The following YEATS2 variants were observed in gnomAD, a reference collection of about 807,000 sequenced individuals.
YEATS2 encodes the protein YEATS domain containing 2.
A neutral mutation model predicts 163.2 loss-of-function variants in YEATS2; 77 were observed. That is an observed-to-expected ratio of 0.47 (90% CI 0.39 to 0.57). The LOEUF is 0.57. Ranked by LOEUF, YEATS2 falls within the 20% of genes least tolerant of loss-of-function variation. The probability of loss-of-function intolerance (pLI) is 0.00; values close to 1 mark genes in which losing one functional copy is unlikely to be tolerated. For missense variants in YEATS2, 1,549 were observed against 1,729.8 expected (o/e 0.90, Z 1.85); for synonymous variants, 631 against 645.1 (o/e 0.98, Z 0.33).
At chr3:183,749,186 G>A (rs573057763) in intron 9 of YEATS2, among the ~76,000 whole-genome samples, 4 of 151,880 alleles carry the variant, frequency 2.6e-5, no homozygotes, top group Admixed American at 2.0e-4. Context: ...CTTGTGATCC[G>A]CCCATCTCGG....
At chr3:183,751,928 C>T (rs1720206251) in intron 9 of YEATS2, 145 bp from the exon 10 acceptor site, 5 of 839,654 alleles carry the variant, frequency 6.0e-6, no homozygotes, top group Non-Finnish European at 9.4e-6. Context: ...AGAATAAATC[C>T]TTTAGTTCTT....
intron 2 of YEATS2, among the ~76,000 whole-genome samples, chr3:183,717,266 A>G (rs112275748): frequency 6.6e-6 from 1 of 152,136 alleles, no homozygotes; most frequent in East Asian, 1.9e-4. Flanking sequence ...TTTAGCTGTC[A>G]TATCTCTTTA....
intron 8 of YEATS2, among the ~76,000 whole-genome samples, chr3:183,737,354 G>T (rs1460707032): frequency 4.6e-5 from 7 of 152,092 alleles, no homozygotes; most frequent in Middle Eastern, 3.2e-3. Flanking sequence ...TAAGAATAGT[G>T]GGGGGAAGAG....
Position 183,743,475 on chromosome 3 carries a change from G to T in YEATS2, c.925-4197G>T, listed in dbSNP as rs115560570. ...CTTATCTCAGCGTCCCAGGTAGCTG[G>T]ACCACAAGCGCATGCCACTACACTC... is the stretch of plus-strand genomic sequence containing the variant. On this transcript the variant is annotated intron_variant, in intron 8 of 30. Coordinates refer to ENST00000305135, the MANE Select transcript of YEATS2 (RefSeq NM_018023.5). 1.8e-3 allele frequency among the ~76,000 whole-genome samples: 279 copies of T among 152,088 alleles called. 1 individual carries two copies. Among genetic ancestry groups the T allele is most frequent in the Non-Finnish European group, 3.1e-3 (214 of 68,004 alleles).
rs1726740495 is a variant in YEATS2 at position 183,810,896 on chromosome 3, T to C, written c.*313T>C. The C allele has an allele frequency of 3.2e-6, 1 of 311,320 alleles. No individual in the cohort carries two copies. The highest frequency in any genetic ancestry group is 6.2e-6 in the Non-Finnish European group (1 of 162,550). 19.3% of individuals were successfully genotyped at this position (311,320 alleles called of 1,614,324 possible). On this transcript the variant is annotated 3_prime_UTR_variant, in exon 31 of 31. Coordinates refer to ENST00000305135, the MANE Select transcript of YEATS2 (RefSeq NM_018023.5). ...GCCGTGTGCCTCAGGCCCTTCTCCC[T>C]GGGTGTGCTTAAGGGGGCTCCTTGG... is the stretch of plus-strand genomic sequence containing the variant.
chr3:183,786,671 A>G (rs530700842), intron 20 of YEATS2, among the ~76,000 whole-genome samples: 4 of 152,290 alleles, frequency 2.6e-5, no homozygotes, highest in African/African-American at 9.6e-5. Context: ...GTCATATAAC[A>G]TGCCCTTTTG....
Position 183,758,835 on chromosome 3 carries a change from ATGTTTTAATTGTGCCTT to A in YEATS2, c.1553-26_1553-10del, listed in dbSNP as rs1721037239. The A allele has an allele frequency of 2.1e-6, 3 of 1,435,008 alleles. No individual in the cohort carries two copies. Among genetic ancestry groups the A allele is most frequent in the Non-Finnish European group, 2.9e-6 (3 of 1,035,250 alleles). The allele number at this position is 1,435,008 out of a possible 1,614,324, so 88.9% of individuals were successfully genotyped here. On this transcript the variant is annotated splice_polypyrimidine_tract_variant and intron_variant, in intron 12 of 30. Transcript: ENST00000305135. ...ACCTTTTGTAAATTTTACTTTGTTT[ATGTTTTAATTGTGCCTT>A]GCTTATCAGGAAGTCCTACAAACAA...
At position 183,721,899 on chromosome 3, in the gene YEATS2, G is replaced by T. The variant is rs759751759; in HGVS notation, c.300G>T (p.Lys100Asn). 6.2e-7 allele frequency: 1 copy of T among 1,613,850 alleles called. No individual in the cohort carries two copies. Among genetic ancestry groups the T allele is most frequent in the South Asian group, 1.1e-5 (1 of 91,044 alleles). ...AGLLKVSEGS[K>N]TCDTMVFNHP... is the part of the protein sequence containing the mutation. ...GCTTTCATTTTTTGTAGGGATCAAA[G>T]ACATGTGATACAATGGTTTTTAATC... is the stretch of plus-strand genomic sequence containing the variant. Residue 100 changes from lysine (K) to asparagine (N), a missense_variant, in exon 5 of 31, where the codon AAG becomes AAT. Lys to Asn is a moderately conservative substitution (Grantham distance 94). Coordinates refer to ENST00000305135, the MANE Select transcript of YEATS2 (RefSeq NM_018023.5).
intron 9 of YEATS2, 88 bp from the exon 10 acceptor site, chr3:183,751,985 T>C: frequency 7.0e-7 from 1 of 1,430,544 alleles, no homozygotes; most frequent in South Asian, 1.2e-5. Context: ...ATCTCTCACA[T>C]CCCGGAGATT....
chr3:183,721,770 G>A, intron 4 of YEATS2, 121 bp from the exon 5 acceptor site: 3 of 1,312,346 alleles, frequency 2.3e-6, no homozygotes, highest in South Asian at 1.4e-5. Flanking sequence ...ATGGATGTGG[G>A]GAGATTTTGA....
At chr3:183,698,703 T>C (rs1261050156) in intron 1 of YEATS2, among the ~76,000 whole-genome samples, 1 of 152,232 alleles carries the variant, frequency 6.6e-6, no homozygotes, top group Non-Finnish European at 1.5e-5. Flanking sequence ...TATTTTCATC[T>C]AAGCATTCAG....
chr3:183,702,832 T>TTA lies in YEATS2; in HGVS notation c.-20+4839_-20+4840insTA, dbSNP rs1577021674. On this transcript the variant is annotated intron_variant, in intron 1 of 30. Coordinates refer to ENST00000305135, the MANE Select transcript of YEATS2 (RefSeq NM_018023.5). ...CTGGGCGACAGCAAGACTCTCTCTC[T>TTA]CAAAAAAAAAAAAGGGAATGGTAAA... Among the ~76,000 whole-genome samples, 25 of 121,942 alleles carry TTA rather than the reference T, an allele frequency of 2.1e-4. No individual in the cohort carries two copies. In the East Asian group the frequency reaches 7.7e-3, roughly 37 times the overall value. 80.0% of individuals were successfully genotyped at this position (121,942 alleles called of 152,430 possible).
At chr3:183,748,122 A>C (rs1214439155) in intron 9 of YEATS2, among the ~76,000 whole-genome samples, 1 of 151,902 alleles carries the variant, frequency 6.6e-6, no homozygotes, top group Non-Finnish European at 1.5e-5. Context: ...GTAATCTATG[A>C]AGAGGTTTAA....
chr3:183,806,835 G>A, intron 27 of YEATS2, 31 bp from the exon 28 acceptor site: 2 of 1,611,836 alleles, frequency 1.2e-6, no homozygotes, highest in Non-Finnish European at 1.7e-6. Flanking sequence ...TGGCCCCACA[G>A]CTGTTGTAAC....
chr3:183,754,005 G>T, intron 10 of YEATS2, 121 bp from the exon 11 acceptor site: 4 of 1,203,370 alleles, frequency 3.3e-6, no homozygotes, highest in Non-Finnish European at 4.5e-6. Context: ...TATTTATTTT[G>T]CTACCAGTAC....
At chr3:183,773,886 G>T in intron 17 of YEATS2, 92 bp downstream of exon 17, 1 of 1,409,922 alleles carries the variant, frequency 7.1e-7, no homozygotes, top group Non-Finnish European at 9.4e-7. Flanking sequence ...CCTGTTTCAG[G>T]AAGCATTTCT....
chr3:183,724,595 C>CTTAAGTG, intron 6 of YEATS2, 64 bp downstream of exon 6: 1 of 1,215,724 alleles, frequency 8.2e-7, no homozygotes, highest in Non-Finnish European at 1.2e-6. Flanking sequence ...CATTAATACT[C>CTTAAGTG]TTACAGTGTT....
At chr3:183,725,987 T>A (rs900685188) in intron 6 of YEATS2, among the ~76,000 whole-genome samples, 4 of 151,844 alleles carry the variant, frequency 2.6e-5, no homozygotes, top group Non-Finnish European at 1.5e-5. Flanking sequence ...GACATGAGAA[T>A]AAAGTAGATA....
intron 8 of YEATS2, among the ~76,000 whole-genome samples, chr3:183,743,112 T>C (rs1485779757): frequency 6.6e-6 from 1 of 152,228 alleles, no homozygotes; most frequent in Non-Finnish European, 1.5e-5. Context: ...ATTGCAGTAT[T>C]CACTTCATTG....
Sources: gnomAD v4.1 joint callset for allele counts (sites outside exome capture counted in the v4.1 genomes callset) on GRCh38, gnomAD v4.1.1 for gene constraint, MANE v1.5 for transcripts, NCBI Gene and HGNC (gene_info 2026-07-23, HGNC 2026-07-21) for gene names.